LAMA3: variants seen among roughly 807,000 people sequenced by gnomAD.
LAMA3 encodes the protein laminin subunit alpha-3.
LAMA3 carries 281 observed loss-of-function variants against 402.0 expected under a neutral mutation model. The observed-to-expected ratio is 0.70, with a 90% CI of 0.63 to 0.77. The LOEUF (loss-of-function observed/expected upper bound fraction) is 0.77. Ranked by LOEUF, LAMA3 falls within the 30% of genes least tolerant of loss-of-function variation. The pLI, the probability that LAMA3 is intolerant of heterozygous loss-of-function variation, is 0.00. For synonymous variants in LAMA3, 1,431 were observed against 1,558.4 expected (o/e 0.92, Z 1.93); for missense variants, 3,840 against 4,215.5 (o/e 0.91, Z 2.47).
chr18:23,798,669 G>C (rs1292275963), intron 12 of LAMA3, among the ~76,000 whole-genome samples: 1 of 152,198 alleles, frequency 6.6e-6, no homozygotes, highest in Non-Finnish European at 1.5e-5. Context: ...TTGTTTAAGA[G>C]AACATTGAGG....
intron 51 of LAMA3, among the ~76,000 whole-genome samples, 192 bp from the exon 52 acceptor site, chr18:23,905,330 C>A (rs2081206082): frequency 6.6e-6 from 1 of 152,166 alleles, no homozygotes; most frequent in African/African-American, 2.4e-5. Context: ...CCCACCTCCC[C>A]AAGCCACATA....
chr18:23,824,273 C>T (rs1290096028), intron 20 of LAMA3, 150 bp from the exon 21 acceptor site: 1 of 780,150 alleles, frequency 1.3e-6, no homozygotes, highest in South Asian at 1.5e-5. Flanking sequence ...TTGCATAGTA[C>T]AATTTTTAAA....
chr18:23,745,997 G>C (rs921470988), intron 2 of LAMA3, among the ~76,000 whole-genome samples: 2 of 152,152 alleles, frequency 1.3e-5, no homozygotes, highest in Admixed American at 1.3e-4. Flanking sequence ...ATGAATTCTT[G>C]GATTTCCTAT....
rs1296637411 is a variant in LAMA3, at chr18:23,937,847, A to G, written c.8863-1376A>G. ...GCATCATTTTAAATAACTGATTTCA[A>G]GTTTGCGTTCTGAGCACTATATCCA... On this transcript the variant is annotated intron_variant, in intron 67 of 74. Coordinates refer to ENST00000313654, the MANE Select transcript of LAMA3 (RefSeq NM_198129.4). 2.0e-5 allele frequency among the ~76,000 whole-genome samples: 3 copies of G among 152,314 alleles called. No individual in the cohort carries two copies. In the East Asian group the frequency reaches 5.8e-4, roughly 29 times the overall value.
chr18:23,694,443 A>G (rs1344349461), intron 1 of LAMA3, among the ~76,000 whole-genome samples: 2 of 152,192 alleles, frequency 1.3e-5, no homozygotes, highest in African/African-American at 4.8e-5. Flanking sequence ...ACACACAGAC[A>G]ACACTTACTG....
intron 1 of LAMA3, among the ~76,000 whole-genome samples, chr18:23,693,743 G>A (rs549197153): frequency 7.9e-5 from 12 of 152,192 alleles, no homozygotes; most frequent in Non-Finnish European, 1.3e-4. Flanking sequence ...AATTTTTAAG[G>A]TTAATTTAGT....
Position 23,864,862 on chromosome 18 carries a change from G to T in LAMA3, c.4662G>T (p.Lys1554Asn), listed in dbSNP as rs768275321. Residue 1554 changes from lysine (K) to asparagine (N), a missense_variant, in exon 36 of 75, where the codon AAG (lysine) becomes AAT (asparagine). Lys to Asn is a moderately conservative substitution (Grantham distance 94, BLOSUM62 0). Around this residue, in one of 3 missense-constraint regions of LAMA3, gnomAD observed 2,109 missense variants for 2,376.0 expected, o/e 0.89. Transcript: ENST00000313654. ...CTGGCGACATGGTTCTTCTGGAAAA[G>T]AAGCCGGATGTACAGCTCACTGTAG... Reference protein sequence around the residue: ...GLPGDMVLLEKKPDVQLTGQH... With the variant: ...GLPGDMVLLENKPDVQLTGQH... 1.2e-6 allele frequency: 2 copies of T among 1,613,100 alleles called. No individual in the cohort carries two copies. The highest frequency in any genetic ancestry group is 4.5e-5 in the East Asian group (2 of 44,876).
intron 8 of LAMA3, among the ~76,000 whole-genome samples, chr18:23,767,378 GA>G (rs1028166514): frequency 6.6e-6 from 1 of 151,612 alleles, no homozygotes; most frequent in African/African-American, 2.4e-5. Context: ...AAATTCAGAA[GA>G]AACCAAAAAA....
chr18:23,842,357 G>C (rs770518558), intron 27 of LAMA3, 38 bp from the exon 28 acceptor site: 1 of 1,613,382 alleles, frequency 6.2e-7, no homozygotes, highest in Non-Finnish European at 8.5e-7. Context: ...TCAGCTTGAG[G>C]GTTTTTAATT....
chr18:23,867,215 G>T (rs973122032), intron 36 of LAMA3, among the ~76,000 whole-genome samples: 11 of 152,148 alleles, frequency 7.2e-5, no homozygotes, highest in Non-Finnish European at 1.5e-4. Context: ...TCGGTGGCCA[G>T]TAATGAAAAC....
chr18:23,892,268 G>A (rs1171339745), intron 42 of LAMA3, among the ~76,000 whole-genome samples: 1 of 152,148 alleles, frequency 6.6e-6, no homozygotes, highest in Non-Finnish European at 1.5e-5. Context: ...CCCCACGCCA[G>A]TAACAAAAAT....
At chr18:23,727,493 T>G (rs1478775522) in intron 2 of LAMA3, among the ~76,000 whole-genome samples, 1 of 152,082 alleles carries the variant, frequency 6.6e-6, no homozygotes, top group East Asian at 1.9e-4. Context: ...ACCTGGCTAA[T>G]TTTTGTATTT....
chr18:23,944,063 A>G (rs1235143048), intron 69 of LAMA3, 92 bp downstream of exon 69: 2 of 1,277,586 alleles, frequency 1.6e-6, no homozygotes, highest in East Asian at 2.5e-5. Context: ...CTTCCCAGAC[A>G]TGAGGGCGTG....
chr18:23,777,720 T>G, intron 11 of LAMA3, 101 bp downstream of exon 11: 1 of 907,292 alleles, frequency 1.1e-6, no homozygotes, highest in Non-Finnish European at 1.9e-6. Context: ...CAAGTCTCCC[T>G]TCCTAGAGCA....
At chr18:23,763,335 C>A (rs908936510) in intron 7 of LAMA3, 70 bp from the exon 8 acceptor site, 2 of 974,046 alleles carry the variant, frequency 2.1e-6, no homozygotes, top group Non-Finnish European at 3.3e-6. Flanking sequence ...AGCAGTAATA[C>A]TATTTACGCT....
intron 1 of LAMA3, among the ~76,000 whole-genome samples, chr18:23,693,292 A>G (rs776298171): frequency 1.3e-5 from 2 of 152,170 alleles, no homozygotes; most frequent in Non-Finnish European, 2.9e-5. Flanking sequence ...GCGCCATTGC[A>G]CTCCAGCCTG....
chr18:23,894,044 G>A (rs906383386), intron 42 of LAMA3, among the ~76,000 whole-genome samples: 1 of 152,162 alleles, frequency 6.6e-6, no homozygotes, highest in African/African-American at 2.4e-5. Context: ...TGGGAGATGA[G>A]AAGGCTTCCT....
chr18:23,920,854 T>A, intron 60 of LAMA3, 81 bp from the exon 61 acceptor site: 1 of 1,552,630 alleles, frequency 6.4e-7, no homozygotes, highest in South Asian at 1.1e-5. Context: ...CAGGGGGGTC[T>A]GTGAGAGTAA....
intron 38 of LAMA3, chr18:23,873,036 G>A: frequency 6.2e-7 from 1 of 1,614,206 alleles, no homozygotes; most frequent in South Asian, 1.1e-5. Context: ...CGGACGTCCA[G>A]GAACCGGGAT....
Sources: gnomAD v4.1 joint callset for allele counts (sites outside exome capture counted in the v4.1 genomes callset) on GRCh38, gnomAD v4.1.1 for gene constraint, gnomAD v4.1.1 regional missense constraint, MANE v1.5 for transcripts, NCBI Gene and HGNC (gene_info 2026-07-23, HGNC 2026-07-21) for gene names.